The following ZNF609 variants were observed in gnomAD, a reference collection of about 807,000 sequenced individuals.
ZNF609 encodes zinc finger protein 609.
In ZNF609, 11 loss-of-function variants were observed where a neutral mutation model predicts 109.5. That is an observed-to-expected ratio of 0.10 (90% CI 0.06 to 0.17). ZNF609 has a LOEUF of 0.17. Ranked by LOEUF, ZNF609 falls within the 10% of genes least tolerant of loss-of-function variation. The pLI, the probability that ZNF609 is intolerant of heterozygous loss-of-function variation, is 1.00. For missense variants in ZNF609, 1,559 were observed against 1,772.4 expected, an observed-to-expected ratio of 0.88 and a Z score of 2.16; for synonymous variants, 646 against 662.0, an observed-to-expected ratio of 0.98 and a Z score of 0.37.
intron 2 of ZNF609, among the ~76,000 whole-genome samples, chr15:64,561,463 G>A (rs1894678486): frequency 6.6e-6 from 1 of 151,360 alleles, no homozygotes; most frequent in Non-Finnish European, 1.5e-5. Flanking sequence ...TTACTCTTAA[G>A]ACCTAGTGTT....
chr15:64,652,259 A>G (rs1277422951), intron 3 of ZNF609, among the ~76,000 whole-genome samples: 2 of 152,080 alleles, frequency 1.3e-5, no homozygotes, highest in Non-Finnish European at 2.9e-5. Context: ...CCTGGCCTCA[A>G]GTGATCTGCC....
chr15:64,567,852 G>A (rs1276621888), intron 2 of ZNF609, among the ~76,000 whole-genome samples: 4 of 151,878 alleles, frequency 2.6e-5, no homozygotes, highest in South Asian at 4.2e-4. Flanking sequence ...TAGTAGAGAC[G>A]GGATTTCAGC....
chr15:64,589,582 GC>G (rs1895260569), intron 2 of ZNF609, among the ~76,000 whole-genome samples: 1 of 152,126 alleles, frequency 6.6e-6, no homozygotes, highest in Admixed American at 6.5e-5. Flanking sequence ...TCTATTTAAA[GC>G]CAAGATGGCT....
chr15:64,608,689 A>T (rs1895652928), intron 2 of ZNF609, among the ~76,000 whole-genome samples: 1 of 150,562 alleles, frequency 6.6e-6, no homozygotes, highest in Admixed American at 6.7e-5. Flanking sequence ...CTCTAATTTT[A>T]TTTCAAAATT....
chr15:64,541,050 T>C (rs1278179789), intron 2 of ZNF609, among the ~76,000 whole-genome samples: 2 of 148,386 alleles, frequency 1.3e-5, no homozygotes. Context: ...AAAAAAAACT[T>C]TTGTGTCTAA....
chr15:64,638,436 A>G (rs956115773), intron 3 of ZNF609, among the ~76,000 whole-genome samples: 1 of 151,770 alleles, frequency 6.6e-6, no homozygotes, highest in Non-Finnish European at 1.5e-5. Context: ...ATTTTTACAG[A>G]AAAAAAAGTG....
chr15:64,500,256 G>C, intron 2 of ZNF609, 90 bp downstream of exon 2: 2 of 1,513,188 alleles, frequency 1.3e-6, no homozygotes, highest in Non-Finnish European at 1.8e-6. Context: ...TCTGTGGGAG[G>C]CTCATTAGTG....
intron 1 of ZNF609, among the ~76,000 whole-genome samples, chr15:64,466,279 T>C (rs898381585): frequency 6.6e-6 from 1 of 152,192 alleles, no homozygotes; most frequent in Non-Finnish European, 1.5e-5. Flanking sequence ...ATAATAGGAA[T>C]GCCATAGAGC....
At chr15:64,464,725 G>C (rs1892987018) in intron 1 of ZNF609, among the ~76,000 whole-genome samples, 1 of 152,174 alleles carries the variant, frequency 6.6e-6, no homozygotes, top group Non-Finnish European at 1.5e-5. Context: ...CAGGTTCTGG[G>C]TCCACTAAGT....
chr15:64,612,909 G>A (rs1465424083), intron 2 of ZNF609, among the ~76,000 whole-genome samples: 1 of 152,104 alleles, frequency 6.6e-6, no homozygotes, highest in Non-Finnish European at 1.5e-5. Context: ...CAGCTACCCA[G>A]GAGGCTGAGG....
At chr15:64,522,231 T>A (rs766085929) in intron 2 of ZNF609, among the ~76,000 whole-genome samples, 13 of 152,196 alleles carry the variant, frequency 8.5e-5, no homozygotes, top group Non-Finnish European at 1.8e-4. Flanking sequence ...AATCTATAAG[T>A]GCTTTATTGT....
At chr15:64,624,910 C>T (rs1567032462) in intron 3 of ZNF609, among the ~76,000 whole-genome samples, 1 of 151,942 alleles carries the variant, frequency 6.6e-6, no homozygotes, top group East Asian at 1.9e-4. Context: ...CAGGCACATA[C>T]CACCACGCCT....
In ZNF609 at chr15:64,485,999, C is replaced by G. The variant is rs187461091; in HGVS notation, c.-127-13294C>G. Among the ~76,000 whole-genome samples, 209 of 152,232 alleles carry G rather than the reference C, an allele frequency of 1.4e-3. 1 individual carries two copies. Among genetic ancestry groups the G allele is most frequent in the Non-Finnish European group, 2.0e-3 (135 of 68,030 alleles). On this transcript the variant is annotated intron_variant, in intron 1 of 9. Transcript: ENST00000326648. The stretch of plus-strand genomic sequence containing the variant: ...GTGCAGACTTAATCACATGTAGAGT[C>G]ATACTATTTTCACCACCACAGTCAA...
chr15:64,601,658 A>G (rs896710843), intron 2 of ZNF609, among the ~76,000 whole-genome samples: 4 of 152,222 alleles, frequency 2.6e-5, no homozygotes, highest in African/African-American at 9.6e-5. Context: ...ATTTGAGAAG[A>G]ATTTTCACAC....
chr15:64,645,007 T>TCC (rs772138228), intron 3 of ZNF609, among the ~76,000 whole-genome samples: 3,107 of 147,444 alleles, frequency 0.021, 36 homozygotes, highest in South Asian at 0.043. Flanking sequence ...CTTTCTTTCT[T>TCC]TCTTCCTTCC....
intron 1 of ZNF609, among the ~76,000 whole-genome samples, chr15:64,494,944 T>A (rs1023888446): frequency 6.6e-6 from 1 of 152,220 alleles, no homozygotes; most frequent in Non-Finnish European, 1.5e-5. Context: ...TGTACCATAC[T>A]GTGCTCTGTA....
At chr15:64,515,017 G>A (rs1313396479) in intron 2 of ZNF609, among the ~76,000 whole-genome samples, 1 of 151,828 alleles carries the variant, frequency 6.6e-6, no homozygotes, top group African/African-American at 2.4e-5. Flanking sequence ...ATTTGTTGTT[G>A]GTCTTGTCTT....
intron 2 of ZNF609, among the ~76,000 whole-genome samples, chr15:64,555,886 CAAAAAAAA>C (rs963732035): frequency 0.15 from 5,716 of 38,802 alleles, 144 homozygotes; most frequent in South Asian, 0.27. Flanking sequence ...GACTCTGTCT[CAAAAAAAA>C]AAAAAAAAAA....
rs1173670409 is a variant in ZNF609 at position 64,499,910 on chromosome 15, C to T, written c.491C>T (p.Ser164Leu). ...TCCAAAAAGGAGAAGGAGAACAGCT[C>T]ATCTAAGAGCAAGAAGGAGAGAAGC... ...AGSKKEKENSSSKSKKERSEG... is the reference protein window; with the variant it reads ...AGSKKEKENSLSKSKKERSEG... The change falls in exon 2 of 10, where the codon TCA becomes TTA. Residue 164 changes from serine (S) to leucine (L), a missense_variant. This residue lies in a region of ZNF609 where 291 missense variants were observed against 317.8 expected (regional missense o/e 0.92). Transcript: ENST00000326648. The T allele has an allele frequency of 1.9e-6, 3 of 1,613,908 alleles. No individual in the cohort carries two copies. In the Admixed American group the frequency reaches 5.0e-5, roughly 27 times the overall value.
Sources: gnomAD v4.1 joint callset for allele counts (sites outside exome capture counted in the v4.1 genomes callset) on GRCh38, gnomAD v4.1.1 for gene constraint, gnomAD v4.1.1 regional missense constraint, MANE v1.5 for transcripts, NCBI Gene and HGNC (gene_info 2026-07-23, HGNC 2026-07-21) for gene names.